Variants in MYRF observed in about 807,000 individuals in gnomAD.
MYRF encodes the protein myelin gene regulatory factor.
In MYRF, 16 loss-of-function variants were observed where a neutral mutation model predicts 126.3. The observed-to-expected ratio is 0.13, with a 90% CI of 0.09 to 0.19. MYRF has a LOEUF of 0.19. MYRF is among the 10% of genes least tolerant of loss of function. The pLI is 1.00. For missense variants in MYRF, 1,104 were observed against 1,547.0 expected, an observed-to-expected ratio of 0.71 and a Z score of 4.80; for synonymous variants, 608 against 635.3, an observed-to-expected ratio of 0.96 and a Z score of 0.65.
In MYRF at chr11:61,778,981, A is replaced by G; in HGVS notation, c.2014-282A>G. On this transcript the variant is annotated intron_variant, in intron 14 of 26. Transcript: ENST00000278836. The surrounding 1 kb of genome is among the most constrained non-coding windows in gnomAD (Gnocchi z 4.6). ...CGGGGCTGCAGCCTTCAGGCTTAGG[A>G]GAGGAGAGCTCTGGCAGGGAGTGGG... 1.6e-6 allele frequency: 1 copy of G among 635,996 alleles called. No individual in the cohort carries two copies. Among genetic ancestry groups the G allele is most frequent in the Non-Finnish European group, 2.9e-6 (1 of 342,920 alleles). The allele number at this position is 635,996 out of a possible 1,614,324, so 39.4% of individuals were successfully genotyped here. A position where few individuals can be genotyped will look rare whatever the true frequency, so the allele number is the denominator to read the frequency against.
chr11:61,769,489 G>C (rs1475093792), intron 4 of MYRF, among the ~76,000 whole-genome samples, 168 bp downstream of exon 4: 1 of 152,182 alleles, frequency 6.6e-6, no homozygotes, highest in Non-Finnish European at 1.5e-5. Context: ...CCCACGGGCG[G>C]GTGGGGAGCC....
rs746693238 is a variant in MYRF, at chr11:61,765,994, C to T, written c.171C>T (p.Ala57=). Reference sequence around the variant, plus strand: ...ACATCTCTGCTCCAGCCAGCTCGGCCTCCTACTCCCACGGGCAGCCTGCGA... The same window carrying T: ...ACATCTCTGCTCCAGCCAGCTCGGCTTCCTACTCCCACGGGCAGCCTGCGA... ...FPDISAPASS[A]SYSHGQPAMP... Residue 57 remains alanine (A), a synonymous_variant, in exon 3 of 27, where the codon GCC becomes GCT. Coordinates refer to ENST00000278836, the MANE Select transcript of MYRF (RefSeq NM_001127392.3). The T allele has an allele frequency of 5.7e-6, 9 of 1,569,758 alleles. No individual in the cohort carries two copies. In the East Asian group the frequency reaches 2.1e-4, roughly 36 times the overall value.
chr11:61,783,650 GC>G lies in MYRF; in HGVS notation c.3119+53del. ...CCAGGGAGGTCCTCAGGTGACATGAGCCCAGGTGGTACAGATCACCCGGAAC... is the reference window on the plus strand; with the variant it reads ...CCAGGGAGGTCCTCAGGTGACATGAGCCAGGTGGTACAGATCACCCGGAAC... On this transcript the variant is annotated intron_variant, in intron 23 of 26. Coordinates refer to ENST00000278836, the MANE Select transcript of MYRF (RefSeq NM_001127392.3). The surrounding 1 kb of genome is among the most constrained non-coding windows in gnomAD (Gnocchi z 4.6). 1 of 1,545,110 alleles carries G rather than the reference GC, an allele frequency of 6.5e-7. No homozygotes were observed. The highest frequency in any genetic ancestry group is 8.9e-7 in the Non-Finnish European group (1 of 1,120,682).
rs758830532 is a variant in MYRF, at chr11:61,773,976, C to T, written c.1125C>T (p.Leu375=). ...YDANYKELPM[L]TYRVDADKGF... is the part of the protein sequence containing the mutation. ...TCACCCGCCCCCCCAGGCCCATGCT[C>T]ACCTACCGCGTGGATGCGGACAAGG... Residue 375 remains leucine, a synonymous_variant, in exon 8 of 27, where the codon CTC becomes CTT. Transcript: ENST00000278836. 3 of 1,609,526 alleles carry T rather than the reference C, an allele frequency of 1.9e-6. No homozygotes were observed. The highest frequency in any genetic ancestry group is 2.7e-5 in the African/African-American group (2 of 74,804).
In MYRF at chr11:61,767,765, A is replaced by C. The variant is rs1271267326; in HGVS notation, c.399-1495A>C. Among the ~76,000 whole-genome samples, 3 of 138,356 alleles carry C rather than the reference A, an allele frequency of 2.2e-5. No individual in the cohort carries two copies. The East Asian group carries it at 7.3e-4, about 34-fold the overall frequency. The allele number at this position is 138,356 out of a possible 152,430, so 90.8% of individuals were successfully genotyped here. A position where few individuals can be genotyped will look rare whatever the true frequency, so the allele number is the denominator to read the frequency against. The stretch of plus-strand genomic sequence containing the variant: ...TTTGAGCCAGGGAGGTCGAGGCTAC[A>C]GTGAGCTGTGATCATGCCACTGCTA... On this transcript the variant is annotated intron_variant, in intron 3 of 26. Coordinates refer to ENST00000278836, the MANE Select transcript of MYRF (RefSeq NM_001127392.3).
chr11:61,769,217 G>T, intron 3 of MYRF, 43 bp from the exon 4 acceptor site: 1 of 1,234,156 alleles, frequency 8.1e-7, no homozygotes, highest in South Asian at 1.3e-5. Flanking sequence ...GAAGGCAGAA[G>T]CTCAGCTGCT....
intron 1 of MYRF, among the ~76,000 whole-genome samples, chr11:61,753,799 G>T (rs2065672121): frequency 6.6e-6 from 1 of 152,024 alleles, no homozygotes; most frequent in African/African-American, 2.4e-5. Flanking sequence ...TGCCCCTCCT[G>T]CAGGGCCACC....
intron 1 of MYRF, among the ~76,000 whole-genome samples, chr11:61,762,089 G>A (rs376807901): frequency 1.3e-5 from 2 of 152,230 alleles, no homozygotes; most frequent in East Asian, 3.9e-4. Flanking sequence ...AAAACCTAAA[G>A]CCTGAATAGG....
At position 61,777,598 on chromosome 11, in the gene MYRF, G is replaced by A. The variant is rs2066421977; in HGVS notation, c.1791+134G>A. ...GAAGGAAGGGAGGGAGGCTGGCCTC[G>A]AATCCCGATCTAACCACTCCAGTGG... On this transcript the variant is annotated intron_variant, in intron 12 of 26. Transcript: ENST00000278836. This position sits in a 1 kb window ranked among gnomAD's most constrained non-coding sequence, Gnocchi z 8.8. 4.5e-6 allele frequency: 6 copies of A among 1,347,814 alleles called. No individual in the cohort carries two copies. The highest frequency in any genetic ancestry group is 4.2e-5 in the Admixed American group (2 of 47,598). 83.5% of individuals were successfully genotyped at this position (1,347,814 alleles called of 1,614,324 possible). A position where few individuals can be genotyped will look rare whatever the true frequency, so the allele number is the denominator to read the frequency against.
At chr11:61,755,936 G>A (rs1237985564) in intron 1 of MYRF, among the ~76,000 whole-genome samples, 1 of 152,238 alleles carries the variant, frequency 6.6e-6, no homozygotes, top group Admixed American at 6.5e-5. Flanking sequence ...GCTGGAGGAG[G>A]GAGGCCTGGG....
Position 61,776,361 on chromosome 11 carries a change from G to A in MYRF, c.1428G>A (p.Val476=). Residue 476 remains valine (V), a synonymous_variant, in exon 10 of 27, where the codon GTG becomes GTA. Transcript: ENST00000278836. The surrounding 1 kb of genome is among the most constrained non-coding windows in gnomAD (Gnocchi z 4.3). ...CTGAGCAGGTCACGAAGGTGACTGT[G>A]GGGCGGCTGCACTTCAGCGAGACCA... ...LPPEQVTKVT[V]GRLHFSETTA... 1 of 1,613,240 alleles carries A rather than the reference G, an allele frequency of 6.2e-7. No homozygotes were observed. Among genetic ancestry groups the A allele is most frequent in the South Asian group, 1.1e-5 (1 of 91,064 alleles).
At position 61,786,556 on chromosome 11, in the gene MYRF, C is replaced by T; in HGVS notation, c.*413C>T. The T allele has an allele frequency of 4.8e-6, 1 of 208,328 alleles. No individual in the cohort carries two copies. Among genetic ancestry groups the T allele is most frequent in the South Asian group, 9.0e-5 (1 of 11,164 alleles). 12.9% of individuals were successfully genotyped at this position (208,328 alleles called of 1,614,324 possible). A position where few individuals can be genotyped will look rare whatever the true frequency, so the allele number is the denominator to read the frequency against. On this transcript the variant is annotated 3_prime_UTR_variant, in exon 27 of 27. Coordinates refer to ENST00000278836, the MANE Select transcript of MYRF (RefSeq NM_001127392.3). The surrounding 1 kb of genome is among the most constrained non-coding windows in gnomAD (Gnocchi z 4.5). ...AACCCTTTTGGAGAGAGGACCTGCCCACCTTTGAGATCAGCAGGGGGCTCG... is the reference window on the plus strand; with the variant it reads ...AACCCTTTTGGAGAGAGGACCTGCCTACCTTTGAGATCAGCAGGGGGCTCG...
In MYRF at chr11:61,778,339, A is replaced by T; in HGVS notation, c.1904-41A>T. Reference sequence around the variant, plus strand: ...ATTACAAAGCTGTGAGTAGCCCTTTACCACCCCCCCACCCATCTTTGGCTT... The same window carrying T: ...ATTACAAAGCTGTGAGTAGCCCTTTTCCACCCCCCCACCCATCTTTGGCTT... On this transcript the variant is annotated intron_variant, in intron 13 of 26. Coordinates refer to ENST00000278836, the MANE Select transcript of MYRF (RefSeq NM_001127392.3). This position sits in a 1 kb window ranked among gnomAD's most constrained non-coding sequence, Gnocchi z 4.6. 2 of 1,338,302 alleles carry T rather than the reference A, an allele frequency of 1.5e-6. No individual in the cohort carries two copies. Among genetic ancestry groups the T allele is most frequent in the African/African-American group, 1.4e-5 (1 of 69,422 alleles). The allele number at this position is 1,338,302 out of a possible 1,614,324, so 82.9% of individuals were successfully genotyped here.
In MYRF at chr11:61,776,750, A is replaced by G. The variant is rs1406629863; in HGVS notation, c.1500-37A>G. On this transcript the variant is annotated intron_variant, in intron 10 of 26. Coordinates refer to ENST00000278836, the MANE Select transcript of MYRF (RefSeq NM_001127392.3). The surrounding 1 kb of genome is among the most constrained non-coding windows in gnomAD (Gnocchi z 4.3). ...AAAGGGTGGCCCTGGGGGCGGGGGC[A>G]GGCCATGAGTACTTCTGAGACCCCT... 5.3e-6 allele frequency: 8 copies of G among 1,505,850 alleles called. No individual in the cohort carries two copies. The highest frequency in any genetic ancestry group is 7.2e-6 in the Non-Finnish European group (8 of 1,107,974). The allele number at this position is 1,505,850 out of a possible 1,614,324, so 93.3% of individuals were successfully genotyped here. A position where few individuals can be genotyped will look rare whatever the true frequency, so the allele number is the denominator to read the frequency against.
intron 1 of MYRF, among the ~76,000 whole-genome samples, chr11:61,765,336 G>T (rs954783486): frequency 6.6e-6 from 1 of 152,210 alleles, no homozygotes; most frequent in Non-Finnish European, 1.5e-5. Context: ...CTAGAAAGAG[G>T]CATGGCAGGA....
Position 61,776,469 on chromosome 11 carries a change from T to C in MYRF, c.1499+37T>C, listed in dbSNP as rs779084000. The C allele has an allele frequency of 8.3e-6, 13 of 1,571,368 alleles. No individual in the cohort carries two copies. In the East Asian group the frequency reaches 1.6e-4, roughly 20 times the overall value. ...GGGGCCCTGCCCCGGAGCCCCTCCA[T>C]TTCTGAGGCAGGAAGACACTGCCCT... On this transcript the variant is annotated intron_variant, in intron 10 of 26. Coordinates refer to ENST00000278836, the MANE Select transcript of MYRF (RefSeq NM_001127392.3). This position sits in a 1 kb window ranked among gnomAD's most constrained non-coding sequence, Gnocchi z 4.3.
chr11:61,786,592 T>G lies in MYRF; in HGVS notation c.*449T>G, dbSNP rs1219526258. 5.4e-6 allele frequency: 1 copy of G among 185,320 alleles called. No individual in the cohort carries two copies. The highest frequency in any genetic ancestry group is 1.1e-5 in the Non-Finnish European group (1 of 87,332). 11.5% of individuals were successfully genotyped at this position (185,320 alleles called of 1,614,324 possible). ...TCAGCAGGGGGCTCGGATCCAGCCCTAAGAGACTTGGGTGGACCCCCATGA... is the reference window on the plus strand; with the variant it reads ...TCAGCAGGGGGCTCGGATCCAGCCCGAAGAGACTTGGGTGGACCCCCATGA... On this transcript the variant is annotated 3_prime_UTR_variant, in exon 27 of 27. Transcript: ENST00000278836. The surrounding 1 kb of genome is among the most constrained non-coding windows in gnomAD (Gnocchi z 4.5).
chr11:61,780,424 G>A (rs1031158813), intron 18 of MYRF, 134 bp downstream of exon 18: 9 of 811,896 alleles, frequency 1.1e-5, no homozygotes, highest in Non-Finnish European at 1.7e-5. Flanking sequence ...GGGTGCTGTG[G>A]GGATCCAGGG....
intron 21 of MYRF, 81 bp downstream of exon 21, chr11:61,781,410 G>T: frequency 6.4e-7 from 1 of 1,562,320 alleles, no homozygotes. Context: ...TGGTGGGAGG[G>T]TCTCCTGGAG....
Sources: allele counts gnomAD v4.1 joint callset (sites outside exome capture counted in the v4.1 genomes callset), GRCh38; gene constraint gnomAD v4.1.1; non-coding constraint Gnocchi (gnomAD v3.1); transcripts MANE v1.5; gene names NCBI Gene and HGNC (gene_info 2026-07-23, HGNC 2026-07-21).